The following PCF11 variants were observed in gnomAD, a reference collection of about 807,000 sequenced individuals.
PCF11 encodes PCF11 cleavage and polyadenylation factor subunit, also known as pre-mRNA cleavage complex 2 protein Pcf11.
PCF11 carries 19 observed loss-of-function variants against 166.1 expected under a neutral mutation model. The observed-to-expected ratio is 0.11, with a 90% confidence interval of 0.08 to 0.17. PCF11 has a LOEUF of 0.17. PCF11 is among the 10% of genes least tolerant of loss of function. The pLI is 1.00. For missense variants in PCF11, 1,565 were observed against 1,855.5 expected (o/e 0.84, Z 2.88); for synonymous variants, 663 against 644.1 (o/e 1.03, Z -0.44).
chr11:83,178,235 G>A (rs1036772551), intron 11 of PCF11, among the ~76,000 whole-genome samples: 4 of 151,942 alleles, frequency 2.6e-5, no homozygotes, highest in African/African-American at 9.7e-5. Flanking sequence ...GGCCAGGCTA[G>A]TCTCGAACTC....
chr11:83,169,260 A>G (rs989900027), exon 8 of PCF11: 3 of 1,613,574 alleles, frequency 1.9e-6, no homozygotes, highest in African/African-American at 2.7e-5. Flanking sequence ...AACATAATCA[A>G]CTTGGTGGGA....
chr11:83,168,641 T>C (rs764816601), exon 8 of PCF11: 1 of 1,613,900 alleles, frequency 6.2e-7, no homozygotes, highest in Admixed American at 1.7e-5. Context: ...ACGAAGATGA[T>C]TTTTGAAGGA....
At chr11:83,176,628 T>A (rs1860891029) in intron 9 of PCF11, among the ~76,000 whole-genome samples, 2 of 151,760 alleles carry the variant, frequency 1.3e-5, no homozygotes, top group Admixed American at 6.6e-5. Context: ...TAGGTAGGAA[T>A]TGAACAATGG....
exon 8 of PCF11, chr11:83,168,774 A>G (rs1421022152): frequency 1.9e-6 from 3 of 1,613,764 alleles, no homozygotes; most frequent in South Asian, 1.1e-5. Flanking sequence ...AAGGTCAGCT[A>G]GGAGGTGGGT....
intron 2 of PCF11, among the ~76,000 whole-genome samples, chr11:83,161,906 T>G (rs1027777831): frequency 6.6e-6 from 1 of 152,232 alleles, no homozygotes; most frequent in Non-Finnish European, 1.5e-5. Flanking sequence ...TTTTTTGTTT[T>G]GTTTTCTGGA....
Position 83,167,905 on chromosome 11 carries a change from A to G in PCF11, c.2092+400A>G, listed in dbSNP as rs1341203331. The G allele has an allele frequency of 2.6e-5, 34 of 1,295,768 alleles. No individual in the cohort carries two copies. Among genetic ancestry groups the G allele is most frequent in the Non-Finnish European group, 2.9e-5 (29 of 994,228 alleles). The allele number at this position is 1,295,768 out of a possible 1,614,324, so 80.3% of individuals were successfully genotyped here. A position where few individuals can be genotyped will look rare whatever the true frequency, so the allele number is the denominator to read the frequency against. ...GAGCAAGTCTCTGCTAAAGGTAGAA[A>G]AAGTTAAATCAGATTATGCCTATTG... On this transcript the variant is annotated intron_variant, in intron 7 of 15. Transcript: ENST00000298281. The surrounding 1 kb of genome is among the most constrained non-coding windows in gnomAD (Gnocchi z 4.2).
exon 5 of PCF11, chr11:83,166,691 A>G (rs1468510174): frequency 6.3e-7 from 1 of 1,599,694 alleles, no homozygotes; most frequent in Non-Finnish European, 8.5e-7. Flanking sequence ...AAAGATGGAA[A>G]TCTGGTTGGG....
intron 1 of PCF11, among the ~76,000 whole-genome samples, chr11:83,160,128 C>A (rs1860175329): frequency 1.3e-5 from 2 of 152,050 alleles, no homozygotes; most frequent in Admixed American, 1.3e-4. Flanking sequence ...CCTTAGCCAA[C>A]TTTTGGTTGT....
intron 15 of PCF11, 66 bp from the exon 16 acceptor site, chr11:83,184,613 C>A: frequency 9.1e-7 from 1 of 1,096,068 alleles, no homozygotes; most frequent in Non-Finnish European, 1.4e-6. Flanking sequence ...TCTTACAAGA[C>A]TAAATGTTAT....
exon 1 of PCF11, chr11:83,157,312 G>T: frequency 2.6e-6 from 2 of 765,962 alleles, no homozygotes; most frequent in Non-Finnish European, 4.1e-6. Context: ...CCCCCTCCGC[G>T]GTCAGCATGT....
Position 83,171,804 on chromosome 11 carries a change from G to C in PCF11, c.3661-14G>C, listed in dbSNP as rs753923573. ...ATAGAAAGCATGTTCTTAAAATTAA[G>C]GTTTTTCTTAAAGGTTCTGAGTGGT... On this transcript the variant is annotated splice_polypyrimidine_tract_variant and intron_variant, in intron 8 of 15. Coordinates refer to ENST00000298281, the Ensembl canonical transcript of PCF11. The C allele has an allele frequency of 5.7e-6, 8 of 1,401,598 alleles. No individual in the cohort carries two copies. The African/African-American group carries it at 1.1e-4, about 20-fold the overall frequency. 86.8% of individuals were successfully genotyped at this position (1,401,598 alleles called of 1,614,324 possible). A position where few individuals can be genotyped will look rare whatever the true frequency, so the allele number is the denominator to read the frequency against.
Position 83,163,663 on chromosome 11 carries a change from T to C in PCF11, c.319-16T>C, listed in dbSNP as rs1206838014. ...ATAGTAACTTAACAAGCCATAGAAT[T>C]GTTCTGTTGTTCTAGGTGGATGAAA... On this transcript the variant is annotated splice_polypyrimidine_tract_variant and intron_variant, in intron 2 of 15. Coordinates refer to ENST00000298281, the Ensembl canonical transcript of PCF11. 4 of 1,162,490 alleles carry C rather than the reference T, an allele frequency of 3.4e-6. No homozygotes were observed. In the South Asian group the frequency reaches 5.5e-5, roughly 16 times the overall value. 72.0% of individuals were successfully genotyped at this position (1,162,490 alleles called of 1,614,324 possible). A position where few individuals can be genotyped will look rare whatever the true frequency, so the allele number is the denominator to read the frequency against.
chr11:83,166,088 G>T (rs1435527216), exon 5 of PCF11: 1 of 1,611,186 alleles, frequency 6.2e-7, no homozygotes, highest in South Asian at 1.1e-5. Flanking sequence ...TGTCTGATAT[G>T]AACAAGAGAG....
chr11:83,161,438 T>A, exon 2 of PCF11: 1 of 1,588,736 alleles, frequency 6.3e-7, no homozygotes, highest in African/African-American at 1.4e-5. Context: ...AACATTTATT[T>A]GTGTGTTTGA....
chr11:83,168,795 A>T (rs1314688613), exon 8 of PCF11: 1 of 1,613,228 alleles, frequency 6.2e-7, no homozygotes, highest in South Asian at 1.1e-5. Flanking sequence ...GTCCTTTGAG[A>T]TTTGAAGGTC....
At chr11:83,170,033 A>G in intron 8 of PCF11, 38 bp downstream of exon 8, 1 of 1,490,688 alleles carries the variant, frequency 6.7e-7, no homozygotes, top group African/African-American at 1.4e-5. Context: ...GTATGCAGAT[A>G]AGTTAACCAT....
exon 16 of PCF11, chr11:83,184,903 A>C: frequency 6.6e-7 from 1 of 1,514,318 alleles, no homozygotes. Flanking sequence ...AAATAAAATG[A>C]GAAAGGTATG....
exon 16 of PCF11, chr11:83,185,904 C>G (rs1861274211): frequency 6.6e-6 from 1 of 152,584 alleles, no homozygotes; most frequent in African/African-American, 2.4e-5. Flanking sequence ...GCCAGGCACT[C>G]TGAGACAGGT....
chr11:83,168,691 C>G (rs1278769487), exon 8 of PCF11: 1 of 1,613,950 alleles, frequency 6.2e-7, no homozygotes. Flanking sequence ...ACCTCCCACA[C>G]CAGCTTCTCT....
Sources: gnomAD v4.1 joint callset for allele counts (sites outside exome capture counted in the v4.1 genomes callset) on GRCh38, gnomAD v4.1.1 for gene constraint, Gnocchi (gnomAD v3.1) non-coding constraint, MANE v1.5 for transcripts, NCBI Gene and HGNC (gene_info 2026-07-23, HGNC 2026-07-21) for gene names.